Variants in MAPKAP1 observed in about 807,000 individuals in gnomAD.
The protein encoded by MAPKAP1 is MAPK associated protein 1, also known as target of rapamycin complex 2 subunit MAPKAP1.
MAPKAP1 carries 20 observed loss-of-function variants against 65.7 expected under a neutral mutation model. That is an observed-to-expected ratio of 0.30 (90% CI 0.21 to 0.44). The LOEUF (loss-of-function observed/expected upper bound fraction) is 0.44, where lower values mean the gene tolerates loss of function less well. Among genes scored for constraint, MAPKAP1 ranks in the 20% least tolerant of loss-of-function variants. The pLI is 1.00. For missense variants in MAPKAP1, 423 were observed against 648.0 expected (o/e 0.65, Z 3.77); for synonymous variants, 222 against 244.3 (o/e 0.91, Z 0.85).
chr9:125,450,372 C>T (rs1001852617), intron 10 of MAPKAP1, among the ~76,000 whole-genome samples: 1 of 152,208 alleles, frequency 6.6e-6, no homozygotes, highest in Non-Finnish European at 1.5e-5. Context: ...ATGCCATTCA[C>T]GGTCTCTTTC....
chr9:125,533,101 G>C (rs571644180), intron 7 of MAPKAP1, among the ~76,000 whole-genome samples: 1 of 152,126 alleles, frequency 6.6e-6, no homozygotes, highest in Non-Finnish European at 1.5e-5. Context: ...GTATGTGTAC[G>C]CATACACGCC....
At chr9:125,566,580 GA>G (rs1831060494) in intron 5 of MAPKAP1, among the ~76,000 whole-genome samples, 1 of 143,176 alleles carries the variant, frequency 7.0e-6, no homozygotes, top group Non-Finnish European at 1.5e-5. Flanking sequence ...AAAAGAAAAA[GA>G]AAAAGAAAAA....
chr9:125,632,557 C>A (rs1833317340), intron 4 of MAPKAP1, among the ~76,000 whole-genome samples: 1 of 152,198 alleles, frequency 6.6e-6, no homozygotes. Context: ...CACTGCCACC[C>A]CCATACACAA....
intron 1 of MAPKAP1, among the ~76,000 whole-genome samples, chr9:125,682,661 C>T (rs976093517): frequency 1.8e-4 from 28 of 152,164 alleles, no homozygotes; most frequent in African/African-American, 5.6e-4. Flanking sequence ...TTACGTTTTA[C>T]TTTAAGATCT....
At chr9:125,699,494 C>A (rs528001351) in intron 1 of MAPKAP1, among the ~76,000 whole-genome samples, 25 of 152,114 alleles carry the variant, frequency 1.6e-4, no homozygotes, top group Middle Eastern at 3.4e-3. Flanking sequence ...TGAGCCACCT[C>A]ACCCAGCCAG....
intron 7 of MAPKAP1, among the ~76,000 whole-genome samples, chr9:125,534,907 C>T (rs1262513000): frequency 6.6e-6 from 1 of 152,206 alleles, no homozygotes; most frequent in Non-Finnish European, 1.5e-5. Flanking sequence ...AGGCCCTATA[C>T]TTACTTCCAT....
At chr9:125,509,931 T>C (rs544361761) in intron 7 of MAPKAP1, among the ~76,000 whole-genome samples, 2 of 152,362 alleles carry the variant, frequency 1.3e-5, no homozygotes, top group South Asian at 4.1e-4. Flanking sequence ...TCATCTGACA[T>C]TCATTTTATT....
rs1852387039 is a variant in MAPKAP1, at chr9:125,439,079, G to T, written c.1444-67C>A. ...TCCCTACCCACCCAGGGCATCGGAG[G>T]GGGTGGCAGGGAAGGCCCTGACCTG... On this transcript the variant is annotated intron_variant, in intron 11 of 11. Transcript: ENST00000265960. This position sits in a 1 kb window ranked among gnomAD's most constrained non-coding sequence, Gnocchi z 4.0. 2 of 1,582,816 alleles carry T rather than the reference G, an allele frequency of 1.3e-6. No individual in the cohort carries two copies. Among genetic ancestry groups the T allele is most frequent in the Non-Finnish European group, 1.7e-6 (2 of 1,162,890 alleles).
At chr9:125,455,749 G>C (rs1234625235) in intron 10 of MAPKAP1, among the ~76,000 whole-genome samples, 1 of 152,250 alleles carries the variant, frequency 6.6e-6, no homozygotes, top group African/African-American at 2.4e-5. Flanking sequence ...GCTGGATTTG[G>C]CCTGTGGGCC....
intron 5 of MAPKAP1, among the ~76,000 whole-genome samples, chr9:125,580,922 T>C (rs1238093802): frequency 2.6e-5 from 4 of 152,246 alleles, no homozygotes; most frequent in Admixed American, 6.5e-5. Context: ...TCTCCATCTG[T>C]ATACTTTTGT....
At chr9:125,519,526 G>A (rs1829559473) in intron 7 of MAPKAP1, among the ~76,000 whole-genome samples, 1 of 151,762 alleles carries the variant, frequency 6.6e-6, no homozygotes, top group African/African-American at 2.4e-5. Context: ...CTGCTTGGAA[G>A]GCTGAGGTGG....
chr9:125,496,626 G>A (rs73591557), intron 8 of MAPKAP1, among the ~76,000 whole-genome samples: 2,796 of 152,226 alleles, frequency 0.018, 88 homozygotes, highest in African/African-American at 0.062. Flanking sequence ...CAGAGCACAC[G>A]CAGGAGGAAG....
chr9:125,595,465 T>C lies in MAPKAP1; in HGVS notation c.499-9738A>G, dbSNP rs151065702. ...CAGCTGATCCTATTAATTAAAATAA[T>C]ATACATTAGCTGCTTATCATAAAAT... On this transcript the variant is annotated intron_variant, in intron 4 of 11. Transcript: ENST00000265960. This position sits in a 1 kb window ranked among gnomAD's most constrained non-coding sequence, Gnocchi z 4.0. 2.1e-6 allele frequency: 2 copies of C among 949,732 alleles called. No homozygotes were observed. Among genetic ancestry groups the C allele is most frequent in the East Asian group, 7.9e-5 (1 of 12,700 alleles). 58.8% of individuals were successfully genotyped at this position (949,732 alleles called of 1,614,324 possible).
rs538166723 is a variant in MAPKAP1, at chr9:125,663,945, C to T, written c.349+5873G>A. Among the ~76,000 whole-genome samples the T allele has an allele frequency of 4.6e-5, 7 of 152,252 alleles. No homozygotes were observed. In the South Asian group the frequency reaches 1.5e-3, roughly 32 times the overall value. On this transcript the variant is annotated intron_variant, in intron 3 of 11. Coordinates refer to ENST00000265960, the MANE Select transcript of MAPKAP1 (RefSeq NM_001006617.3). ...TTATCATCAGCTTTATGAAAAAGCA[C>T]ACACTATAGCATTCAGAAGATGAGA...
intron 1 of MAPKAP1, among the ~76,000 whole-genome samples, chr9:125,690,579 T>C (rs2131846171): frequency 6.6e-6 from 1 of 152,350 alleles, no homozygotes; most frequent in African/African-American, 2.4e-5. Flanking sequence ...GAGGACTGAA[T>C]GAATTAATAC....
chr9:125,447,381 A>G lies in MAPKAP1; in HGVS notation c.1346-2783T>C, dbSNP rs1477045159. 1 of 456,438 alleles carries G rather than the reference A, an allele frequency of 2.2e-6. No homozygotes were observed. Among genetic ancestry groups the G allele is most frequent in the Non-Finnish European group, 4.4e-6 (1 of 226,936 alleles). 28.3% of individuals were successfully genotyped at this position (456,438 alleles called of 1,614,324 possible). ...CGTTCTGTGGAGCACTTGTGTTTGG[A>G]CTTGAACAATGACACAGCTGCAAAG... On this transcript the variant is annotated intron_variant, in intron 10 of 11. Coordinates refer to ENST00000265960, the MANE Select transcript of MAPKAP1 (RefSeq NM_001006617.3). This position sits in a 1 kb window ranked among gnomAD's most constrained non-coding sequence, Gnocchi z 4.5.
Position 125,444,602 on chromosome 9 carries a change from C to A in MAPKAP1, c.1346-4G>T. 1.9e-6 allele frequency: 3 copies of A among 1,607,528 alleles called. No individual in the cohort carries two copies. In the South Asian group the frequency reaches 3.3e-5, roughly 18 times the overall value. ...GTGAGTTTAAATATTGCGTGACCTGCAGAGACAGAAAACTGTGTTGAGGGG... is the reference window on the plus strand; with the variant it reads ...GTGAGTTTAAATATTGCGTGACCTGAAGAGACAGAAAACTGTGTTGAGGGG... On this transcript the variant is annotated splice_polypyrimidine_tract_variant and splice_region_variant and intron_variant, in intron 10 of 11. Coordinates refer to ENST00000265960, the MANE Select transcript of MAPKAP1 (RefSeq NM_001006617.3).
chr9:125,680,793 T>TA (rs1429388591), intron 1 of MAPKAP1, among the ~76,000 whole-genome samples: 6 of 152,140 alleles, frequency 3.9e-5, no homozygotes, highest in Non-Finnish European at 8.8e-5. Flanking sequence ...GTCATATACA[T>TA]AGGGAACAAT....
At chr9:125,622,994 C>T (rs1367287655) in intron 4 of MAPKAP1, among the ~76,000 whole-genome samples, 3 of 152,072 alleles carry the variant, frequency 2.0e-5, no homozygotes, top group Non-Finnish European at 4.4e-5. Context: ...GACGGGGTTT[C>T]GCTGTGTTGG....
Sources: allele counts gnomAD v4.1 joint callset (sites outside exome capture counted in the v4.1 genomes callset), GRCh38; gene constraint gnomAD v4.1.1; non-coding constraint Gnocchi (gnomAD v3.1); transcripts MANE v1.5; gene names NCBI Gene and HGNC (gene_info 2026-07-23, HGNC 2026-07-21).